The following PRDM16 variants were observed in gnomAD, a reference collection of about 807,000 sequenced individuals.
PRDM16 encodes histone-lysine N-methyltransferase PRDM16.
In PRDM16, 23 loss-of-function variants were observed where a neutral mutation model predicts 110.6. The ratio of observed to expected loss-of-function variants is 0.21; its 90% CI spans 0.15 to 0.29. The LOEUF (loss-of-function observed/expected upper bound fraction) is 0.29. PRDM16 is among the 10% of genes least tolerant of loss of function. The pLI, the probability that PRDM16 is intolerant of heterozygous loss-of-function variation, is 1.00. For synonymous variants in PRDM16, 799 were observed against 781.8 expected (o/e 1.02, Z -0.37); for missense variants, 1,615 against 1,794.3 (o/e 0.90, Z 1.81).
chr1:3,355,980 C>T (rs1298868635), intron 3 of PRDM16, among the ~76,000 whole-genome samples: 1 of 152,158 alleles, frequency 6.6e-6, no homozygotes, highest in African/African-American at 2.4e-5. Context: ...CCTCTGGGCA[C>T]ATCCTGATGA....
At chr1:3,294,986 A>G (rs4648469) in intron 3 of PRDM16, among the ~76,000 whole-genome samples, 126,692 of 152,194 alleles carry the variant, frequency 0.83, 53,278 homozygotes, top group East Asian at 0.99. Flanking sequence ...TGGTCACTGC[A>G]GGCAGGCTAT....
chr1:3,384,524 C>T (rs1317846685), intron 3 of PRDM16, among the ~76,000 whole-genome samples: 2 of 152,164 alleles, frequency 1.3e-5, no homozygotes, highest in Non-Finnish European at 2.9e-5. Context: ...CCACTCTGCC[C>T]GTTCAGAGGC....
chr1:3,240,039 AGAG>A (rs1339662380), intron 2 of PRDM16, among the ~76,000 whole-genome samples: 107 of 89,544 alleles, frequency 1.2e-3, no homozygotes, highest in African/African-American at 5.3e-3. Flanking sequence ...GGAGAGGAGA[AGAG>A]GAGAGGAGAG....
At chr1:3,292,936 T>G (rs1184649893) in intron 3 of PRDM16, among the ~76,000 whole-genome samples, 1 of 152,206 alleles carries the variant, frequency 6.6e-6, no homozygotes, top group East Asian at 1.9e-4. Flanking sequence ...CCTGTTTGTC[T>G]TCTGTGGGTT....
chr1:3,298,373 G>A (rs748093972), intron 3 of PRDM16, among the ~76,000 whole-genome samples: 5 of 152,218 alleles, frequency 3.3e-5, no homozygotes, highest in Admixed American at 6.5e-5. Context: ...CCTCGCTGTC[G>A]GGAGGAGGGA....
intron 1 of PRDM16, among the ~76,000 whole-genome samples, chr1:3,119,308 G>A (rs1274982475): frequency 6.6e-6 from 1 of 152,242 alleles, no homozygotes; most frequent in African/African-American, 2.4e-5. Context: ...TGTGCGGCCA[G>A]GCGGGTGACC....
chr1:3,312,273 C>G (rs1007422871), intron 3 of PRDM16, among the ~76,000 whole-genome samples: 1 of 152,248 alleles, frequency 6.6e-6, no homozygotes, highest in African/African-American at 2.4e-5. Flanking sequence ...CCACGCTCAT[C>G]CTCTGAGGAG....
chr1:3,172,647 C>T (rs1462571142), intron 1 of PRDM16, among the ~76,000 whole-genome samples: 1 of 152,232 alleles, frequency 6.6e-6, no homozygotes, highest in Non-Finnish European at 1.5e-5. Flanking sequence ...ACGCCACCAC[C>T]TGGAGGAAAC....
At chr1:3,409,250 A>C (rs374814338) in intron 8 of PRDM16, among the ~76,000 whole-genome samples, 9 of 151,572 alleles carry the variant, frequency 5.9e-5, no homozygotes, top group Admixed American at 3.9e-4. Flanking sequence ...TGAGTGGGGC[A>C]CAGCCAGGGT....
chr1:3,184,435 A>G (rs1228248988), intron 1 of PRDM16, among the ~76,000 whole-genome samples: 1 of 152,182 alleles, frequency 6.6e-6, no homozygotes, highest in Non-Finnish European at 1.5e-5. Context: ...ACCGGGGTCC[A>G]GTCACTTTCA....
At chr1:3,427,092 G>A (rs922643604) in intron 14 of PRDM16, among the ~76,000 whole-genome samples, 6 of 152,238 alleles carry the variant, frequency 3.9e-5, no homozygotes, top group African/African-American at 9.6e-5. Context: ...ACATGTACAC[G>A]CATGGGCGCA....
At chr1:3,151,393 G>A (rs1419662291) in intron 1 of PRDM16, among the ~76,000 whole-genome samples, 2 of 152,228 alleles carry the variant, frequency 1.3e-5, no homozygotes, top group Non-Finnish European at 1.5e-5. Flanking sequence ...GCTGCAAGGC[G>A]AGGGACAGGG....
intron 1 of PRDM16, among the ~76,000 whole-genome samples, chr1:3,140,565 C>T (rs771417208): frequency 6.6e-6 from 1 of 152,230 alleles, no homozygotes. Flanking sequence ...CACGTTGGCT[C>T]TCTAACTCAG....
intron 3 of PRDM16, among the ~76,000 whole-genome samples, chr1:3,325,776 C>T (rs1557610157): frequency 6.6e-6 from 1 of 151,766 alleles, no homozygotes; most frequent in South Asian, 2.1e-4. Flanking sequence ...CAGTGATCCT[C>T]TACCATCCTT....
intron 1 of PRDM16, among the ~76,000 whole-genome samples, chr1:3,091,039 G>A (rs528688153): frequency 9.7e-4 from 148 of 152,326 alleles, no homozygotes; most frequent in Non-Finnish European, 1.9e-3. Flanking sequence ...GACCTCAGCC[G>A]CAAACTCTCC....
Position 3,148,139 on chromosome 1 carries a change from G to A in PRDM16, c.38-37986G>A, listed in dbSNP as rs914852563. Among the ~76,000 whole-genome samples the A allele has an allele frequency of 6.6e-6, 1 of 152,086 alleles. No individual in the cohort carries two copies. Among genetic ancestry groups the A allele is most frequent in the South Asian group, 2.1e-4 (1 of 4,818 alleles). ...GTGGGGTGTGGTTGGGCATCAGGACGGTTTTGTGGGAGGGGCTGGGCTGAG... is the reference window on the plus strand; with the variant it reads ...GTGGGGTGTGGTTGGGCATCAGGACAGTTTTGTGGGAGGGGCTGGGCTGAG... On this transcript the variant is annotated intron_variant, in intron 1 of 16. Coordinates refer to ENST00000270722, the MANE Select transcript of PRDM16 (RefSeq NM_022114.4). This position sits in a 1 kb window ranked among gnomAD's most constrained non-coding sequence, Gnocchi z 5.0.
At chr1:3,250,951 G>T (rs1336215003) in intron 3 of PRDM16, among the ~76,000 whole-genome samples, 2 of 152,350 alleles carry the variant, frequency 1.3e-5, no homozygotes, top group East Asian at 1.9e-4. Flanking sequence ...CCATCTCGGG[G>T]TCCCTGGCTC....
At chr1:3,393,082 AG>A (rs1643323626) in intron 4 of PRDM16, among the ~76,000 whole-genome samples, 1 of 152,258 alleles carries the variant, frequency 6.6e-6, no homozygotes, top group South Asian at 2.1e-4. Flanking sequence ...AGCCATTTAC[AG>A]CAGACATTTA....
rs769109300 is a variant in PRDM16, at chr1:3,430,898, G to A, written c.3311G>A (p.Ser1104Asn). The change falls in exon 15 of 17, where the codon AGT becomes AAT. Residue 1104 changes from serine to asparagine, a missense_variant. Around this residue, in one of 5 missense-constraint regions of PRDM16, gnomAD observed 327 missense variants for 359.3 expected, o/e 0.91. Transcript: ENST00000270722. ...KRADMQIVDG[S>N]AQCPGLASEK... ...GCGGACATGCAGATCGTGGACGGCAGTGCCCAGTGTCCAGGCCTAGCCAGT... is the reference window on the plus strand; with the variant it reads ...GCGGACATGCAGATCGTGGACGGCAATGCCCAGTGTCCAGGCCTAGCCAGT... 2.5e-6 allele frequency: 4 copies of A among 1,614,150 alleles called. No individual in the cohort carries two copies. The highest frequency in any genetic ancestry group is 1.1e-5 in the South Asian group (1 of 91,088).
Sources: gnomAD v4.1 joint callset for allele counts (sites outside exome capture counted in the v4.1 genomes callset) on GRCh38, gnomAD v4.1.1 for gene constraint, gnomAD v4.1.1 regional missense constraint, Gnocchi (gnomAD v3.1) non-coding constraint, MANE v1.5 for transcripts, NCBI Gene and HGNC (gene_info 2026-07-23, HGNC 2026-07-21) for gene names.